SH2B1: variants seen among roughly 807,000 people sequenced by gnomAD.
SH2B1 encodes the protein SH2B adaptor protein 1.
In SH2B1, 15 loss-of-function variants were observed where a neutral mutation model predicts 62.6. The ratio of observed to expected loss-of-function variants is 0.24; its 90% CI spans 0.16 to 0.37. The LOEUF is 0.37. Among genes scored for constraint, SH2B1 ranks in the 10% least tolerant of loss-of-function variants. SH2B1 has a pLI of 1.00. For synonymous variants in SH2B1, 443 were observed against 438.0 expected, an observed-to-expected ratio of 1.01 and a Z score of -0.14; for missense variants, 925 against 1,015.6, an observed-to-expected ratio of 0.91 and a Z score of 1.21.
In SH2B1 at chr16:28,872,162, G is replaced by C. The variant is rs1182386731; in HGVS notation, c.1514-28G>C. On this transcript the variant is annotated intron_variant, in intron 5 of 7. Coordinates refer to ENST00000684370, the MANE Select transcript of SH2B1 (RefSeq NM_001387430.1). This position sits in a 1 kb window ranked among gnomAD's most constrained non-coding sequence, Gnocchi z 5.3. The stretch of plus-strand genomic sequence containing the variant: ...ATGGGGGAGGCTGCCCTGACACCCC[G>C]GTTTCCCTCCCTCTCTCCTTCCTGA... 1 of 1,599,018 alleles carries C rather than the reference G, an allele frequency of 6.3e-7. No individual in the cohort carries two copies. Among genetic ancestry groups the C allele is most frequent in the Non-Finnish European group, 8.5e-7 (1 of 1,170,364 alleles).
Position 28,866,283 on chromosome 16 carries a change from C to T in SH2B1, c.189C>T (p.Ala63=). 1 of 1,610,078 alleles carries T rather than the reference C, an allele frequency of 6.2e-7. No individual in the cohort carries two copies. The highest frequency in any genetic ancestry group is 8.5e-7 in the Non-Finnish European group (1 of 1,178,988). The part of the protein sequence containing the change: ...PQYAGPGAEA[A]FSRRFAELFL... ...ATGCGGGGCCCGGGGCCGAGGCTGC[C>T]TTCTCCCGCCGTTTTGCTGAGCTCT... is the stretch of plus-strand genomic sequence containing the variant. The change falls in exon 1 of 8, where the codon GCC becomes GCT. Residue 63 remains alanine, a synonymous_variant. Transcript: ENST00000684370. The surrounding 1 kb of genome is among the most constrained non-coding windows in gnomAD (Gnocchi z 6.3).
Position 28,865,434 on chromosome 16 carries a change from T to G in SH2B1, c.-661T>G. ...GATGCGTGAGGCAGGCTCTCTAAGG[T>G]CTAGAATCCCAGCTCCTCTCTAGCC... On this transcript the variant is annotated 5_prime_UTR_variant, in exon 1 of 8. Transcript: ENST00000684370. The G allele has an allele frequency of 2.0e-6, 2 of 985,444 alleles. No homozygotes were observed. Among genetic ancestry groups the G allele is most frequent in the Non-Finnish European group, 1.2e-6 (1 of 829,928 alleles). 61.0% of individuals were successfully genotyped at this position (985,444 alleles called of 1,614,324 possible).
upstream of SH2B1, among the ~76,000 whole-genome samples, chr16:28,858,939 T>G (rs1962379145): frequency 7.3e-6 from 1 of 137,656 alleles, no homozygotes; most frequent in African/African-American, 2.7e-5. Context: ...GCAAGACTGT[T>G]TCTCAAAAAA....
Position 28,866,791 on chromosome 16 carries a change from C to T in SH2B1, c.697C>T (p.Leu233Phe). The change falls in exon 1 of 8, where the codon CTC becomes TTC. Residue 233 changes from leucine (L) to phenylalanine (F), a missense_variant. Coordinates refer to ENST00000684370, the MANE Select transcript of SH2B1 (RefSeq NM_001387430.1). The surrounding 1 kb of genome is among the most constrained non-coding windows in gnomAD (Gnocchi z 6.3). ...GACTCACCGTTTTGAGAGGCTGAGACTCAGTCGGGGAGGGGGCGCCTTGAA... is the reference window on the plus strand; with the variant it reads ...GACTCACCGTTTTGAGAGGCTGAGATTCAGTCGGGGAGGGGGCGCCTTGAA... The part of the protein sequence containing the change: ...RWTHRFERLR[L>F]SRGGGALKDG... 1 of 1,582,122 alleles carries T rather than the reference C, an allele frequency of 6.3e-7. No homozygotes were observed. The highest frequency in any genetic ancestry group is 8.6e-7 in the Non-Finnish European group (1 of 1,164,996).
Position 28,866,221 on chromosome 16 carries a change from C to A in SH2B1, c.127C>A (p.Arg43Ser), listed in dbSNP as rs547678855. The change falls in exon 1 of 8, where the codon CGC (arginine) becomes AGC (serine). Residue 43 changes from arginine to serine, a missense_variant. Arg to Ser is a moderately radical substitution (Grantham distance 110). Coordinates refer to ENST00000684370, the MANE Select transcript of SH2B1 (RefSeq NM_001387430.1). This position sits in a 1 kb window ranked among gnomAD's most constrained non-coding sequence, Gnocchi z 6.3. Reference sequence around the variant, plus strand: ...CCGGGCTGCGGCTCTGGACTTTGCCCGCCGTTTTCGCCTCTACCTGGCCTC... The same window carrying A: ...CCGGGCTGCGGCTCTGGACTTTGCCAGCCGTTTTCGCCTCTACCTGGCCTC... ...HARAAALDFA[R>S]RFRLYLASHP... 17 of 1,609,210 alleles carry A rather than the reference C, an allele frequency of 1.1e-5. No individual in the cohort carries two copies. The highest frequency in any genetic ancestry group is 2.7e-5 in the African/African-American group (2 of 74,772).
chr16:28,855,897 C>T (rs1254330230), intron 1 of SH2B1, among the ~76,000 whole-genome samples: 3 of 146,674 alleles, frequency 2.0e-5, no homozygotes, highest in East Asian at 4.2e-4. Context: ...CCTCGTGATC[C>T]GCCGACCTCG....
In SH2B1 at chr16:28,852,414, A is replaced by G. The variant is rs1372391660; in HGVS notation, c.-301+5587A>G. Among the ~76,000 whole-genome samples the G allele has an allele frequency of 1.4e-4, 5 of 34,628 alleles. 2 individuals carry two copies. The highest frequency in any genetic ancestry group is 4.4e-4 in the Admixed American group (1 of 2,292). 22.7% of individuals were successfully genotyped at this position (34,628 alleles called of 152,430 possible). On this transcript the variant is annotated intron_variant, in intron 1 of 10. Transcript: ENST00000322610. Reference sequence around the variant, plus strand: ...TATATACATATATATTTACATATATATTTATATATTTACATATATATTTAT... The same window carrying G: ...TATATACATATATATTTACATATATGTTTATATATTTACATATATATTTAT...
rs1170595096 is a variant in SH2B1, at chr16:28,852,540, TTATA to T, written c.-301+5720_-301+5723del. On this transcript the variant is annotated intron_variant, in intron 1 of 10. Transcript: ENST00000322610. Reference sequence around the variant, plus strand: ...TATATTTATATATATACACATATATTTATATATATACACATATTTATATATATAC... The same window carrying T: ...TATATTTATATATATACACATATATTTATATACACATATTTATATATATAC... Among the ~76,000 whole-genome samples the T allele has an allele frequency of 2.0e-4, 7 of 35,062 alleles. 2 individuals carry two copies. The highest frequency in any genetic ancestry group is 5.5e-4 in the Admixed American group (1 of 1,818). The allele number at this position is 35,062 out of a possible 152,430, so 23.0% of individuals were successfully genotyped here.
At chr16:28,860,374 C>T (rs1457571657), upstream of SH2B1, among the ~76,000 whole-genome samples, 1 of 152,000 alleles carries the variant, frequency 6.6e-6, no homozygotes, top group African/African-American at 2.4e-5. Flanking sequence ...GCCTCAGCCT[C>T]CCAAGTAGCT....
At chr16:28,853,114 TTATA>T (rs1402607322) in intron 1 of SH2B1, among the ~76,000 whole-genome samples, 1 of 125,022 alleles carries the variant, frequency 8.0e-6, no homozygotes, top group South Asian at 2.2e-4. Flanking sequence ...ATATATACAT[TTATA>T]TATATTTATG....
intron 1 of SH2B1, among the ~76,000 whole-genome samples, chr16:28,857,970 A>G (rs1371276434): frequency 6.6e-6 from 1 of 151,716 alleles, no homozygotes; most frequent in Non-Finnish European, 1.5e-5. Context: ...CGATCTCCTG[A>G]CCTCGTGATC....
chr16:28,865,173 G>A lies in SH2B1; in HGVS notation c.-922G>A, dbSNP rs536330439. Reference sequence around the variant, plus strand: ...GCTCTCCCTGTGATGTTTTGTTTACGTGAGGCCAGCAAAGACTTGACCTGA... The same window carrying A: ...GCTCTCCCTGTGATGTTTTGTTTACATGAGGCCAGCAAAGACTTGACCTGA... On this transcript the variant is annotated 5_prime_UTR_variant, in exon 1 of 8. The change creates a new upstream start codon in the 5' untranslated region. Transcript: ENST00000684370. The A allele has an allele frequency of 3.0e-6, 3 of 985,628 alleles. No individual in the cohort carries two copies. The highest frequency in any genetic ancestry group is 6.1e-5 in the Admixed American group (1 of 16,282). 61.1% of individuals were successfully genotyped at this position (985,628 alleles called of 1,614,324 possible). A position where few individuals can be genotyped will look rare whatever the true frequency, so the allele number is the denominator to read the frequency against.
At chr16:28,856,218 A>G (rs1962321458) in intron 1 of SH2B1, among the ~76,000 whole-genome samples, 1 of 149,184 alleles carries the variant, frequency 6.7e-6, no homozygotes, top group Non-Finnish European at 1.5e-5. Flanking sequence ...CATTGCAGTG[A>G]GCCCAGATCA....
chr16:28,855,181 C>T (rs919766655), intron 1 of SH2B1, among the ~76,000 whole-genome samples: 3 of 151,908 alleles, frequency 2.0e-5, no homozygotes, highest in Admixed American at 6.6e-5. Context: ...CTTTCCCACA[C>T]TGGCCCCCCA....
At position 28,864,170 on chromosome 16, in the gene SH2B1, T is replaced by G; in HGVS notation, c.-1925T>G. The G allele has an allele frequency of 1.8e-6, 2 of 1,090,696 alleles. No homozygotes were observed. Among genetic ancestry groups the G allele is most frequent in the Non-Finnish European group, 2.2e-6 (2 of 894,194 alleles). 67.6% of individuals were successfully genotyped at this position (1,090,696 alleles called of 1,614,324 possible). A position where few individuals can be genotyped will look rare whatever the true frequency, so the allele number is the denominator to read the frequency against. On this transcript the variant is annotated 5_prime_UTR_variant, in exon 1 of 8. An upstream open reading frame in the 5' UTR gains an earlier in-frame stop. Coordinates refer to ENST00000684370, the MANE Select transcript of SH2B1 (RefSeq NM_001387430.1). ...CAGGGAGTAGGGTCGGATCGGAGTA[T>G]ATGGACCACCGGGCCCGGAGGGTCC... is the stretch of plus-strand genomic sequence containing the variant.
intron 1 of SH2B1, among the ~76,000 whole-genome samples, chr16:28,854,729 C>G (rs1435543288): frequency 6.6e-6 from 1 of 152,102 alleles, no homozygotes; most frequent in Non-Finnish European, 1.5e-5. Context: ...GCACTTTTGC[C>G]TGGGTAACAG....
chr16:28,869,484 C>T (rs1764424491), intron 4 of SH2B1, 101 bp downstream of exon 4: 1 of 1,105,032 alleles, frequency 9.0e-7, no homozygotes, highest in South Asian at 1.6e-5. Flanking sequence ...GTGCCCCCAT[C>T]CCTGTTTTCC....
At position 28,866,433 on chromosome 16, in the gene SH2B1, G is replaced by C; in HGVS notation, c.339G>C (p.Val113=). The change falls in exon 1 of 8, where the codon GTG becomes GTC. Residue 113 remains valine (V), a synonymous_variant. Coordinates refer to ENST00000684370, the MANE Select transcript of SH2B1 (RefSeq NM_001387430.1). The surrounding 1 kb of genome is among the most constrained non-coding windows in gnomAD (Gnocchi z 6.3). ...PHDLSLESCR[V]GGPLAVLGPS... ...ACCTGTCCCTTGAGAGCTGCAGGGTGGGTGGGCCCCTGGCTGTGCTGGGCC... is the reference window on the plus strand; with the variant it reads ...ACCTGTCCCTTGAGAGCTGCAGGGTCGGTGGGCCCCTGGCTGTGCTGGGCC... 2 of 1,613,954 alleles carry C rather than the reference G, an allele frequency of 1.2e-6. No individual in the cohort carries two copies. Among genetic ancestry groups the C allele is most frequent in the Non-Finnish European group, 1.7e-6 (2 of 1,180,014 alleles).
intron 1 of SH2B1, among the ~76,000 whole-genome samples, chr16:28,855,806 A>ATTTTTTTTT (rs746171586): frequency 8.4e-3 from 856 of 102,212 alleles, no homozygotes; most frequent in Middle Eastern, 0.013. Context: ...CGCCCGGCTA[A>ATTTTTTTTT]TTTTTTTTTT....
Sources: allele counts gnomAD v4.1 joint callset (sites outside exome capture counted in the v4.1 genomes callset), GRCh38; gene constraint gnomAD v4.1.1; non-coding constraint Gnocchi (gnomAD v3.1); transcripts MANE v1.5; gene names NCBI Gene and HGNC (gene_info 2026-07-23, HGNC 2026-07-21).